MXRA7: variants seen among roughly 807,000 people sequenced by gnomAD.
MXRA7 encodes the protein matrix-remodeling-associated protein 7.
In MXRA7, 18 loss-of-function variants were observed where a neutral mutation model predicts 17.4. That is an observed-to-expected ratio of 1.03 (90% CI 0.71 to 1.53). MXRA7 has a LOEUF of 1.53. MXRA7 is among the 40% of genes most tolerant of loss of function. The pLI, the probability that MXRA7 is intolerant of heterozygous loss-of-function variation, is 0.00. For synonymous variants in MXRA7, 70 were observed against 101.7 expected, an observed-to-expected ratio of 0.69 and a Z score of 1.87; for missense variants, 141 against 209.3, an observed-to-expected ratio of 0.67 and a Z score of 2.01.
exon 4 of MXRA7, chr17:76,673,187 A>T (rs2076215246): frequency 6.6e-6 from 1 of 152,246 alleles, no homozygotes; most frequent in Admixed American, 6.5e-5. Flanking sequence ...CCCCCAGAAC[A>T]GGATGTAATC....
At chr17:76,706,359 A>ACAGAGGCCCACGCTGCCG (rs1285639937) in intron 1 of MXRA7, among the ~76,000 whole-genome samples, 4 of 39,204 alleles carry the variant, frequency 1.0e-4, no homozygotes, top group African/African-American at 3.3e-4. Context: ...CCACTCTGCC[A>ACAGAGGCCCACGCTGCCG]TCACAGAGGC....
chr17:76,691,951 A>T (rs565948683), intron 1 of MXRA7, among the ~76,000 whole-genome samples: 10 of 152,066 alleles, frequency 6.6e-5, no homozygotes, highest in Admixed American at 3.9e-4. Flanking sequence ...AAATAATTGC[A>T]CTCCAGGGCG....
intron 1 of MXRA7, among the ~76,000 whole-genome samples, chr17:76,704,245 G>A (rs72874663): frequency 0.43 from 44,965 of 104,316 alleles, 9,854 homozygotes; most frequent in Admixed American, 0.47. Context: ...TCACTCTGTC[G>A]CCCAGGCTGG....
intron 1 of MXRA7, among the ~76,000 whole-genome samples, chr17:76,690,762 C>A (rs529725156): frequency 6.6e-6 from 1 of 152,126 alleles, no homozygotes; most frequent in African/African-American, 2.4e-5. Context: ...GACTGGAGTG[C>A]AGTGGTGCAA....
At chr17:76,696,245 C>T (rs1015911764) in intron 1 of MXRA7, among the ~76,000 whole-genome samples, 6 of 151,992 alleles carry the variant, frequency 3.9e-5, no homozygotes, top group Admixed American at 2.0e-4. Flanking sequence ...CAAGGCTGGG[C>T]GCGGTGGCTC....
At chr17:76,685,311 C>A in intron 2 of MXRA7, 146 bp from the exon 3 acceptor site, 1 of 642,052 alleles carries the variant, frequency 1.6e-6, no homozygotes, top group South Asian at 1.8e-5. Context: ...AGCGCCTATA[C>A]CCCCTCTCGT....
chr17:76,688,925 T>G, intron 1 of MXRA7: 1 of 279,426 alleles, frequency 3.6e-6, no homozygotes, highest in Non-Finnish European at 6.6e-6. Context: ...GCTGATCCCA[T>G]GGAGCCCAGC....
chr17:76,707,032 ACAGCCAT>A (rs1306736938), intron 1 of MXRA7, among the ~76,000 whole-genome samples: 1 of 152,208 alleles, frequency 6.6e-6, no homozygotes, highest in African/African-American at 2.4e-5. Context: ...CATTGTTTAC[ACAGCCAT>A]CTGCCGGTAT....
At chr17:76,683,282 A>AGAG (rs1051544085) in intron 3 of MXRA7, among the ~76,000 whole-genome samples, 2 of 152,236 alleles carry the variant, frequency 1.3e-5, no homozygotes, top group Non-Finnish European at 2.9e-5. Flanking sequence ...TGCGGCACAA[A>AGAG]GAGGCACAGA....
At chr17:76,703,220 T>G (rs1263924356) in intron 1 of MXRA7, among the ~76,000 whole-genome samples, 3 of 152,120 alleles carry the variant, frequency 2.0e-5, no homozygotes, top group Non-Finnish European at 4.4e-5. Context: ...TTGCTGAGAA[T>G]CTGCCAGGGT....
intron 3 of MXRA7, among the ~76,000 whole-genome samples, chr17:76,684,469 G>A (rs1033357454): frequency 6.6e-6 from 1 of 152,136 alleles, no homozygotes; most frequent in African/African-American, 2.4e-5. Context: ...TGTGCCCAGC[G>A]CACCCCTTCC....
chr17:76,706,270 C>T lies in MXRA7; in HGVS notation c.342+4335G>A. ...CACTCTGCCATCACAGAGGCCCACG[C>T]TGCCGTCACAGAGGCCCACGCTGCC... On this transcript the variant is annotated intron_variant, in intron 1 of 3. Coordinates refer to ENST00000449428, the MANE Select transcript of MXRA7 (RefSeq NM_198530.4). Among the ~76,000 whole-genome samples the T allele has an allele frequency of 4.7e-5, 6 of 128,566 alleles. No homozygotes were observed. In the Admixed American group the frequency reaches 4.7e-4, roughly 10 times the overall value. The allele number at this position is 128,566 out of a possible 152,430, so 84.3% of individuals were successfully genotyped here. A position where few individuals can be genotyped will look rare whatever the true frequency, so the allele number is the denominator to read the frequency against.
intron 1 of MXRA7, chr17:76,703,553 GA>G (rs1295035930): frequency 6.6e-6 from 1 of 152,168 alleles, no homozygotes; most frequent in African/African-American, 2.4e-5. Context: ...CTAGCAGGCA[GA>G]GGTTGCAGTG....
chr17:76,685,326 T>C (rs2076377807), intron 2 of MXRA7, among the ~76,000 whole-genome samples, 161 bp from the exon 3 acceptor site: 1 of 152,180 alleles, frequency 6.6e-6, no homozygotes, highest in African/African-American at 2.4e-5. Context: ...TCTCGTTCCA[T>C]AGCTTTCCCT....
At chr17:76,694,931 G>A (rs2076517494) in intron 1 of MXRA7, among the ~76,000 whole-genome samples, 1 of 152,112 alleles carries the variant, frequency 6.6e-6, no homozygotes, top group Non-Finnish European at 1.5e-5. Flanking sequence ...GCTGAGGTGG[G>A]TGGATCACCT....
downstream of MXRA7, chr17:76,679,491 TGAAAGA>T: frequency 1.7e-6 from 1 of 589,180 alleles, no homozygotes; most frequent in Non-Finnish European, 2.1e-6. Flanking sequence ...GGCATCAAAA[TGAAAGA>T]AAGGTCAAAC....
intron 1 of MXRA7, among the ~76,000 whole-genome samples, chr17:76,693,166 C>T (rs2076494602): frequency 6.6e-6 from 1 of 152,174 alleles, no homozygotes; most frequent in Non-Finnish European, 1.5e-5. Context: ...ACCCCTGTAT[C>T]CCAGAATGAA....
intron 1 of MXRA7, among the ~76,000 whole-genome samples, chr17:76,695,965 G>A (rs1218551894): frequency 6.6e-6 from 1 of 151,902 alleles, no homozygotes; most frequent in Non-Finnish European, 1.5e-5. Flanking sequence ...TGTGGTGGCG[G>A]GTGCCTGTAA....
rs764027197 is a variant in MXRA7 at position 76,685,172 on chromosome 17, AG to A, written c.407-8del. ...TTGAAGGAGAAGCCTTCTCCTGTGG[AG>A]GGGGGACCCAGTAAGTGCCAGGAGT... On this transcript the variant is annotated splice_polypyrimidine_tract_variant and splice_region_variant and intron_variant, in intron 2 of 3. Coordinates refer to ENST00000449428, the MANE Select transcript of MXRA7 (RefSeq NM_198530.4). 4 of 1,611,004 alleles carry A rather than the reference AG, an allele frequency of 2.5e-6. No homozygotes were observed. The highest frequency in any genetic ancestry group is 2.7e-5 in the African/African-American group (2 of 74,782).
Sources: allele counts gnomAD v4.1 joint callset (sites outside exome capture counted in the v4.1 genomes callset), GRCh38; gene constraint gnomAD v4.1.1; transcripts MANE v1.5; gene names NCBI Gene and HGNC (gene_info 2026-07-23, HGNC 2026-07-21).